Variants in PCDHA3 observed in about 807,000 individuals in gnomAD.
PCDHA3 encodes the protein protocadherin alpha-3.
In PCDHA3, 41 loss-of-function variants were observed where a neutral mutation model predicts 62.2. That is an observed-to-expected ratio of 0.66 (90% CI 0.51 to 0.86). The LOEUF (loss-of-function observed/expected upper bound fraction) is 0.86. Ranked by LOEUF, PCDHA3 falls within the 40% of genes least tolerant of loss-of-function variation. PCDHA3 has a pLI of 0.00. For synonymous variants in PCDHA3, 640 were observed against 555.4 expected, an observed-to-expected ratio of 1.15 and a Z score of -2.14; for missense variants, 1,304 against 1,241.2, an observed-to-expected ratio of 1.05 and a Z score of -0.76.
intron 1 of PCDHA3, chr5:140,857,158 A>G: frequency 6.3e-7 from 1 of 1,598,190 alleles, no homozygotes; most frequent in East Asian, 2.2e-5. Context: ...TCATTGCCCT[A>G]ATCAGCGTTT....
At chr5:140,810,225 T>A in intron 1 of PCDHA3, 1 of 152,260 alleles carries the variant, frequency 6.6e-6, no homozygotes, top group East Asian at 1.9e-4. Context: ...ATACTATACC[T>A]TATTTATTCT....
At chr5:140,894,035 T>C (rs1554185902) in intron 1 of PCDHA3, among the ~76,000 whole-genome samples, 1 of 152,220 alleles carries the variant, frequency 6.6e-6, no homozygotes, top group Non-Finnish European at 1.5e-5. Context: ...ATACTGGTAA[T>C]GTAAGTCCTC....
intron 1 of PCDHA3, chr5:140,829,821 T>C (rs2150175434): frequency 1.2e-6 from 2 of 1,613,858 alleles, no homozygotes; most frequent in South Asian, 2.2e-5. Flanking sequence ...GGTGGTGCAG[T>C]GAGCGAGCTG....
At chr5:140,836,531 G>A in intron 1 of PCDHA3, 2 of 1,613,844 alleles carry the variant, frequency 1.2e-6, no homozygotes, top group South Asian at 2.2e-5. Context: ...TTACCCTGCT[G>A]CTGTACACGG....
intron 1 of PCDHA3, chr5:140,928,403 G>A (rs1554205862): frequency 6.2e-7 from 1 of 1,613,964 alleles, no homozygotes; most frequent in Non-Finnish European, 8.5e-7. Context: ...GAATCATCCA[G>A]TGGGGCCATC....
At chr5:140,869,323 C>T in intron 1 of PCDHA3, 1 of 1,613,864 alleles carries the variant, frequency 6.2e-7, no homozygotes, top group South Asian at 1.1e-5. Flanking sequence ...ACATGGGGAC[C>T]TTCTGGAGGT....
At chr5:140,950,083 T>C (rs1361884165) in intron 1 of PCDHA3, among the ~76,000 whole-genome samples, 1 of 152,002 alleles carries the variant, frequency 6.6e-6, no homozygotes, top group Non-Finnish European at 1.5e-5. Context: ...GCTTATGCTA[T>C]AGTTTTCATT....
In PCDHA3 at chr5:141,007,573, TA is replaced by T. The variant is rs1265481031; in HGVS notation, c.2543-2048del. Among the ~76,000 whole-genome samples, 3 of 151,796 alleles carry T rather than the reference TA, an allele frequency of 2.0e-5. No homozygotes were observed. The East Asian group carries it at 5.8e-4, about 29-fold the overall frequency. On this transcript the variant is annotated intron_variant, in intron 3 of 3. Coordinates refer to ENST00000522353, the MANE Select transcript of PCDHA3 (RefSeq NM_018906.3). ...ACAGAGCAAGGCTCTATCTCAAATTTAAAAAATAATAATCATGATAATAATA... is the reference window on the plus strand; with the variant it reads ...ACAGAGCAAGGCTCTATCTCAAATTTAAAAATAATAATCATGATAATAATA...
At position 140,990,539 on chromosome 5, in the gene PCDHA3, A is replaced by G. The variant is rs2097398985; in HGVS notation, c.2542+7976A>G. ...TGTCTTTTTTGACTGTGCATCATAG[A>G]TACTGTATTACCCAAGAACACACAC... is the stretch of plus-strand genomic sequence containing the variant. On this transcript the variant is annotated intron_variant, in intron 3 of 3. Transcript: ENST00000522353. Among the ~76,000 whole-genome samples the G allele has an allele frequency of 2.6e-5, 4 of 152,262 alleles. No homozygotes were observed. In the South Asian group the frequency reaches 6.2e-4, roughly 24 times the overall value.
intron 1 of PCDHA3, among the ~76,000 whole-genome samples, chr5:140,915,956 A>G (rs1170172761): frequency 6.6e-6 from 1 of 151,996 alleles, no homozygotes; most frequent in African/African-American, 2.4e-5. Flanking sequence ...ATACTTAGAA[A>G]TTTGCCTGAT....
chr5:141,011,501 A>G lies in PCDHA3; in HGVS notation c.*1564A>G, dbSNP rs548038544. ...ATATTTCCTTTTGTACACCTGTGAA[A>G]AAGTGGAGTAGTGTTTTTTTAACCA... On this transcript the variant is annotated 3_prime_UTR_variant, in exon 4 of 4. Coordinates refer to ENST00000522353, the MANE Select transcript of PCDHA3 (RefSeq NM_018906.3). 1.3e-5 allele frequency: 2 copies of G among 153,894 alleles called. No individual in the cohort carries two copies. Among genetic ancestry groups the G allele is most frequent in the African/African-American group, 4.8e-5 (2 of 41,578 alleles). 9.5% of individuals were successfully genotyped at this position (153,894 alleles called of 1,614,324 possible).
At chr5:140,876,343 T>A (rs1196276310) in intron 1 of PCDHA3, 2 of 1,613,854 alleles carry the variant, frequency 1.2e-6, no homozygotes, top group African/African-American at 2.7e-5. Flanking sequence ...GAGTGAGAAA[T>A]GTATGTTTTC....
At chr5:140,872,550 C>T (rs1319043831) in intron 1 of PCDHA3, among the ~76,000 whole-genome samples, 1 of 152,046 alleles carries the variant, frequency 6.6e-6, no homozygotes, top group African/African-American at 2.4e-5. Context: ...TCCCCTGAAC[C>T]CAGGGGTTCA....
At chr5:140,880,748 G>T (rs950550579) in intron 1 of PCDHA3, among the ~76,000 whole-genome samples, 10 of 152,220 alleles carry the variant, frequency 6.6e-5, no homozygotes, top group Non-Finnish European at 1.2e-4. Flanking sequence ...GATTGTCAGT[G>T]TAACTGCGTG....
Position 140,922,562 on chromosome 5 carries a change from T to A in PCDHA3, c.2395-56387T>A, listed in dbSNP as rs2080887973. Among the ~76,000 whole-genome samples, 4 of 152,188 alleles carry A rather than the reference T, an allele frequency of 2.6e-5. No individual in the cohort carries two copies. In the South Asian group the frequency reaches 8.3e-4, roughly 31 times the overall value. ...GGCAAGGTAAGGAGAAAAGTCAGGA[T>A]GACAAGTTGCCCTGTAGCCGCCAGT... On this transcript the variant is annotated intron_variant, in intron 1 of 3. Transcript: ENST00000522353.
chr5:140,991,719 A>T (rs1451245400), intron 3 of PCDHA3, among the ~76,000 whole-genome samples: 1 of 152,194 alleles, frequency 6.6e-6, no homozygotes, highest in African/African-American at 2.4e-5. Flanking sequence ...TGCTACTAGC[A>T]GCCTGTTCAA....
chr5:140,965,830 A>G (rs2095939833), intron 1 of PCDHA3, among the ~76,000 whole-genome samples: 1 of 152,208 alleles, frequency 6.6e-6, no homozygotes, highest in African/African-American at 2.4e-5. Flanking sequence ...ACATTTAAAT[A>G]TTGGTTATTT....
intron 1 of PCDHA3, chr5:140,884,631 A>G: frequency 2.5e-6 from 4 of 1,612,580 alleles, no homozygotes; most frequent in Non-Finnish European, 3.4e-6. Flanking sequence ...GGAACAGGCC[A>G]GAGGGAGGAG....
At chr5:140,911,607 T>C (rs1309017145) in intron 1 of PCDHA3, among the ~76,000 whole-genome samples, 1 of 152,222 alleles carries the variant, frequency 6.6e-6, no homozygotes, top group African/African-American at 2.4e-5. Context: ...CTTCATTATG[T>C]TCCTTAGTTC....
Sources: gnomAD v4.1 joint callset for allele counts (sites outside exome capture counted in the v4.1 genomes callset) on GRCh38, gnomAD v4.1.1 for gene constraint, MANE v1.5 for transcripts, NCBI Gene and HGNC (gene_info 2026-07-23, HGNC 2026-07-21) for gene names.